Variants in TAFA2 observed in about 807,000 individuals in gnomAD.
The protein encoded by TAFA2 is chemokine-like protein TAFA-2.
Under a neutral mutation model 18.8 loss-of-function variants are expected in TAFA2, and 7 were observed. That is an observed-to-expected ratio of 0.37 (90% CI 0.21 to 0.70). The LOEUF (loss-of-function observed/expected upper bound fraction) is 0.70, where lower values mean the gene tolerates loss of function less well. Among genes scored for constraint, TAFA2 ranks in the 30% least tolerant of loss-of-function variants. The probability of loss-of-function intolerance (pLI) is 0.53; values close to 1 mark genes in which losing one functional copy is unlikely to be tolerated. For missense variants in TAFA2, 122 were observed against 158.1 expected (o/e 0.77, Z 1.23); for synonymous variants, 60 against 54.2 (o/e 1.11, Z -0.47).
rs545087172 is a variant in TAFA2, at chr12:61,904,324, A to C, written c.-1-36898T>G. Among the ~76,000 whole-genome samples, 44 of 152,252 alleles carry C rather than the reference A, an allele frequency of 2.9e-4. No individual in the cohort carries two copies. In the East Asian group the frequency reaches 7.3e-3, roughly 25 times the overall value. ...TTTTCCCTAGTGGTACAAACTCCCC[A>C]AAAACTCATGTATTTAAGAGGCAGA... On this transcript the variant is annotated intron_variant, in intron 1 of 4. Transcript: ENST00000416284.
At chr12:62,107,851 G>T (rs1225660071) in intron 1 of TAFA2, among the ~76,000 whole-genome samples, 3 of 152,042 alleles carry the variant, frequency 2.0e-5, no homozygotes, top group African/African-American at 7.2e-5. Context: ...ATTAGTATCT[G>T]CAAGAGGCCA....
In TAFA2 at chr12:62,184,537, C is replaced by G. The variant is rs1227833564; in HGVS notation, c.-2+6722G>C. Among the ~76,000 whole-genome samples, 21 of 139,570 alleles carry G rather than the reference C, an allele frequency of 1.5e-4. 1 individual carries two copies. Among genetic ancestry groups the G allele is most frequent in the Admixed American group, 1.5e-3 (20 of 13,620 alleles). The allele number at this position is 139,570 out of a possible 152,430, so 91.6% of individuals were successfully genotyped here. On this transcript the variant is annotated intron_variant, in intron 1 of 4. Transcript: ENST00000416284. ...TGAGGCATAGTCTCACTCTGTCACC[C>G]AGGCTAGAGTGCATGGTGTGATCAC...
chr12:62,245,257 T>G (rs911548122), intron 1 of TAFA2, among the ~76,000 whole-genome samples: 4 of 152,130 alleles, frequency 2.6e-5, no homozygotes, highest in African/African-American at 9.6e-5. Flanking sequence ...TCCATTGCTT[T>G]GTAATGGAAC....
chr12:62,055,144 T>G (rs1423314753), intron 1 of TAFA2, among the ~76,000 whole-genome samples: 2 of 152,172 alleles, frequency 1.3e-5, no homozygotes, highest in South Asian at 2.1e-4. Flanking sequence ...ACTTCCACCA[T>G]GTGAGGACTC....
At chr12:61,973,678 T>C (rs1025852487) in intron 1 of TAFA2, among the ~76,000 whole-genome samples, 4 of 151,728 alleles carry the variant, frequency 2.6e-5, no homozygotes, top group African/African-American at 9.7e-5. Flanking sequence ...GAAACTACTG[T>C]GTTAACATAG....
Position 61,710,331 on chromosome 12 carries a change from C to T in TAFA2, c.*75G>A. The T allele has an allele frequency of 7.2e-7, 1 of 1,383,304 alleles. No homozygotes were observed. Among genetic ancestry groups the T allele is most frequent in the African/African-American group, 1.4e-5 (1 of 70,292 alleles). The allele number at this position is 1,383,304 out of a possible 1,614,324, so 85.7% of individuals were successfully genotyped here. On this transcript the variant is annotated 3_prime_UTR_variant, in exon 5 of 5. Transcript: ENST00000416284. Reference sequence around the variant, plus strand: ...AGTGGTATAAAAATCTTCAAGATCACCTCAGGAGTTGAGTTAAGTTTCTAT... The same window carrying T: ...AGTGGTATAAAAATCTTCAAGATCATCTCAGGAGTTGAGTTAAGTTTCTAT...
intron 1 of TAFA2, among the ~76,000 whole-genome samples, chr12:61,922,710 T>G (rs896636537): frequency 6.6e-6 from 1 of 152,144 alleles, no homozygotes; most frequent in African/African-American, 2.4e-5. Flanking sequence ...GAGTTTCTTT[T>G]CTTACCCCAG....
At chr12:62,230,260 C>T (rs1246312970) in intron 1 of TAFA2, among the ~76,000 whole-genome samples, 1 of 151,428 alleles carries the variant, frequency 6.6e-6, no homozygotes, top group Non-Finnish European at 1.5e-5. Flanking sequence ...TTTAGTTTGG[C>T]ATATTCTTGC....
chr12:61,965,082 G>T (rs746932679), intron 1 of TAFA2, among the ~76,000 whole-genome samples: 2 of 151,860 alleles, frequency 1.3e-5, no homozygotes, highest in African/African-American at 2.4e-5. Flanking sequence ...CAAAAGGTTA[G>T]CTTCTATGAA....
chr12:61,884,576 T>C (rs889342772), intron 1 of TAFA2, among the ~76,000 whole-genome samples: 2 of 152,148 alleles, frequency 1.3e-5, no homozygotes, highest in African/African-American at 4.8e-5. Flanking sequence ...CCAGCTATCT[T>C]AAAAACTAGA....
intron 1 of TAFA2, among the ~76,000 whole-genome samples, chr12:62,100,551 A>C (rs116823935): frequency 0.012 from 1,883 of 152,196 alleles, 52 homozygotes; most frequent in African/African-American, 0.043. Flanking sequence ...TCCCTTACCC[A>C]CCTGTTAGAT....
At chr12:61,850,481 G>A (rs1873596874) in intron 2 of TAFA2, among the ~76,000 whole-genome samples, 1 of 151,786 alleles carries the variant, frequency 6.6e-6, no homozygotes, top group Non-Finnish European at 1.5e-5. Context: ...TTAATGAATT[G>A]TGCATGATCA....
chr12:61,877,602 C>T (rs10877756), intron 1 of TAFA2, among the ~76,000 whole-genome samples: 59,506 of 151,976 alleles, frequency 0.39, 12,664 homozygotes, highest in Non-Finnish European at 0.47. Context: ...CTACAGCCAT[C>T]GTCATTTCAT....
intron 2 of TAFA2, among the ~76,000 whole-genome samples, chr12:61,839,733 A>G (rs35427342): frequency 0.29 from 44,062 of 151,988 alleles, 6,987 homozygotes; most frequent in South Asian, 0.4. Context: ...TAACACTGGA[A>G]GGAAGGATGA....
intron 1 of TAFA2, among the ~76,000 whole-genome samples, chr12:62,148,924 A>G (rs1402976961): frequency 6.6e-6 from 1 of 152,164 alleles, no homozygotes; most frequent in Admixed American, 6.5e-5. Context: ...GATTTTTGAG[A>G]CATTCCAATC....
intron 1 of TAFA2, among the ~76,000 whole-genome samples, chr12:61,924,107 G>A (rs1416906451): frequency 3.9e-5 from 6 of 152,040 alleles, no homozygotes; most frequent in East Asian, 1.9e-4. Flanking sequence ...CCAACCCTAC[G>A]TTTCATTGGT....
At chr12:62,230,794 C>T (rs1399068129) in intron 1 of TAFA2, among the ~76,000 whole-genome samples, 4 of 152,156 alleles carry the variant, frequency 2.6e-5, no homozygotes, top group Admixed American at 1.3e-4. Context: ...CTTCTTGCTT[C>T]GGCCTCTCAA....
At chr12:61,922,280 G>T (rs191275424) in intron 1 of TAFA2, among the ~76,000 whole-genome samples, 2 of 152,138 alleles carry the variant, frequency 1.3e-5, no homozygotes. Context: ...ATCTCCTCGG[G>T]GTGAAAGGAA....
At chr12:61,879,733 C>T (rs1462958125) in intron 1 of TAFA2, 2 of 1,190,638 alleles carry the variant, frequency 1.7e-6, no homozygotes, top group Non-Finnish European at 2.5e-6. Context: ...GCAACATGGA[C>T]AACATGTTCC....
Sources: allele counts gnomAD v4.1 joint callset (sites outside exome capture counted in the v4.1 genomes callset), GRCh38; gene constraint gnomAD v4.1.1; transcripts MANE v1.5; gene names NCBI Gene and HGNC (gene_info 2026-07-23, HGNC 2026-07-21).